Variants in DOC2B observed in about 807,000 individuals in gnomAD.
The protein encoded by DOC2B is double C2-like domain-containing protein beta.
In DOC2B, 21 loss-of-function variants were observed where a neutral mutation model predicts 28.9. The observed-to-expected ratio is 0.73, with a 90% CI of 0.52 to 1.05. The LOEUF is 1.05. Among genes scored for constraint, DOC2B ranks in the 50% least tolerant of loss-of-function variants. The pLI is 0.00. For missense variants in DOC2B, 384 were observed against 421.1 expected (o/e 0.91, Z 0.77); for synonymous variants, 194 against 178.1 (o/e 1.09, Z -0.71).
At position 161,407 on chromosome 17, in the gene DOC2B, CCT is replaced by C. The variant is rs1555523212; in HGVS notation, c.765+6_765+7del. ...GGTACACAGCAGGTGCTCAATCAAT[CCT>C]CTCACCGGCAGCTGCTTCTCCAGGC... On this transcript the variant is annotated splice_donor_region_variant and intron_variant, in intron 5 of 8. Coordinates refer to ENST00000613549, the MANE Select transcript of DOC2B (RefSeq NM_003585.5). 1.9e-6 allele frequency: 3 copies of C among 1,551,638 alleles called. No individual in the cohort carries two copies. In the Admixed American group the frequency reaches 5.9e-5, roughly 30 times the overall value.
intron 8 of DOC2B, among the ~76,000 whole-genome samples, chr17:147,814 GT>G (rs1371730342): frequency 3.9e-5 from 6 of 152,226 alleles, no homozygotes; most frequent in Middle Eastern, 3.2e-3. Context: ...AGCATCAGGG[GT>G]CAAGGAATGG....
At position 181,420 on chromosome 17, in the gene DOC2B, G is replaced by A; in HGVS notation, c.60C>T (p.Ile20=). 1.7e-6 allele frequency: 2 copies of A among 1,187,972 alleles called. No homozygotes were observed. The highest frequency in any genetic ancestry group is 1.1e-6 in the Non-Finnish European group (1 of 945,366). The allele number at this position is 1,187,972 out of a possible 1,614,324, so 73.6% of individuals were successfully genotyped here. A position where few individuals can be genotyped will look rare whatever the true frequency, so the allele number is the denominator to read the frequency against. Residue 20 remains isoleucine, a synonymous_variant, in exon 1 of 9, where the codon ATC becomes ATT. Coordinates refer to ENST00000613549, the MANE Select transcript of DOC2B (RefSeq NM_003585.5). The surrounding 1 kb of genome is among the most constrained non-coding windows in gnomAD (Gnocchi z 7.0). ...GACGGATGGGGCCGGGGCACACGTC[G>A]ATGGCCATATGCTCCTGGATGCTGA... ...ATISIQEHMA[I]DVCPGPIRPI...
rs979363133 is a variant in DOC2B at position 145,002 on chromosome 17, C to T, written c.*2439G>A. The stretch of plus-strand genomic sequence containing the variant: ...AAGATACCCAGAGCTTAACTAGACA[C>T]CAGGCCTTTTAGAAATAGACCACCT... On this transcript the variant is annotated 3_prime_UTR_variant, in exon 9 of 9. Coordinates refer to ENST00000613549, the MANE Select transcript of DOC2B (RefSeq NM_003585.5). 10 of 152,222 alleles carry T rather than the reference C, an allele frequency of 6.6e-5. No homozygotes were observed. The East Asian group carries it at 7.7e-4, about 12-fold the overall frequency. 9.4% of individuals were successfully genotyped at this position (152,222 alleles called of 1,614,324 possible).
Position 181,028 on chromosome 17 carries a change from G to A in DOC2B, c.373+79C>T. The A allele has an allele frequency of 8.7e-7, 1 of 1,149,978 alleles. No homozygotes were observed. Among genetic ancestry groups the A allele is most frequent in the Non-Finnish European group, 1.1e-6 (1 of 919,372 alleles). 71.2% of individuals were successfully genotyped at this position (1,149,978 alleles called of 1,614,324 possible). A position where few individuals can be genotyped will look rare whatever the true frequency, so the allele number is the denominator to read the frequency against. On this transcript the variant is annotated intron_variant, in intron 1 of 8. Coordinates refer to ENST00000613549, the MANE Select transcript of DOC2B (RefSeq NM_003585.5). The surrounding 1 kb of genome is among the most constrained non-coding windows in gnomAD (Gnocchi z 7.0). ...GCGCGAGCGCGCGAGGGGGACCGGC[G>A]GAGGGAAGCCGCGAGGCCGTGGGGG...
intron 8 of DOC2B, 43 bp downstream of exon 8, chr17:148,130 G>A: frequency 2.5e-6 from 1 of 398,528 alleles, no homozygotes. Flanking sequence ...CCTGATCCAG[G>A]ACAGGCACAC....
At chr17:148,606 A>C in intron 7 of DOC2B, among the ~76,000 whole-genome samples, 1 of 150,414 alleles carries the variant, frequency 6.6e-6, no homozygotes, top group African/African-American at 2.5e-5. Flanking sequence ...TCTCTGTGGG[A>C]CCCTCCCTTC....
intron 6 of DOC2B, among the ~76,000 whole-genome samples, chr17:151,274 A>G (rs2151458812): frequency 6.6e-6 from 1 of 152,280 alleles, no homozygotes; most frequent in Non-Finnish European, 1.5e-5. Flanking sequence ...TGTCTCTAAA[A>G]AAAGAAAAGA....
chr17:164,398 A>G (rs1196855964), intron 2 of DOC2B, among the ~76,000 whole-genome samples, 194 bp from the exon 3 acceptor site: 1 of 152,030 alleles, frequency 6.6e-6, no homozygotes, highest in African/African-American at 2.4e-5. Context: ...CCCTCCCCAA[A>G]ACATCCTGGC....
intron 4 of DOC2B, among the ~76,000 whole-genome samples, chr17:161,835 C>T (rs968081768): frequency 6.6e-6 from 1 of 152,230 alleles, no homozygotes; most frequent in African/African-American, 2.4e-5. Flanking sequence ...GAACCACCTC[C>T]AGCACCCTGA....
In DOC2B at chr17:164,163, G is replaced by A. The variant is rs765006183; in HGVS notation, c.495C>T (p.Tyr165=). Residue 165 remains tyrosine, a synonymous_variant, in exon 3 of 9, where the codon TAC becomes TAT. Transcript: ENST00000613549. ...PMDHNGLADP[Y]VKLHLLPGAS... ...CTCCTGGCAGCAGGTGCAGCTTGAC[G>A]TAGGGGTCTGCCAGCCCATTGTGGT... is the stretch of plus-strand genomic sequence containing the variant. 2.6e-5 allele frequency: 41 copies of A among 1,553,912 alleles called. No individual in the cohort carries two copies. The highest frequency in any genetic ancestry group is 3.5e-5 in the Non-Finnish European group (40 of 1,148,144).
chr17:150,170 G>C (rs2040056713), intron 6 of DOC2B, among the ~76,000 whole-genome samples: 1 of 152,220 alleles, frequency 6.6e-6, no homozygotes, highest in Admixed American at 6.5e-5. Context: ...TCATGTGCAG[G>C]CTGGAGAAGG....
At chr17:172,958 C>A (rs2040329298) in intron 1 of DOC2B, among the ~76,000 whole-genome samples, 1 of 152,214 alleles carries the variant, frequency 6.6e-6, no homozygotes, top group Non-Finnish European at 1.5e-5. Flanking sequence ...CAGTCTGGGC[C>A]CCGTGCCTCA....
At chr17:162,698 G>A (rs2040219178) in intron 3 of DOC2B, among the ~76,000 whole-genome samples, 3 of 152,224 alleles carry the variant, frequency 2.0e-5, no homozygotes, top group African/African-American at 7.2e-5. Flanking sequence ...CACGAAGTTT[G>A]TGGTCATTTG....
chr17:144,755 A>ACTGG lies in DOC2B; in HGVS notation c.*2685_*2686insCCAG. 2 of 152,216 alleles carry ACTGG rather than the reference A, an allele frequency of 1.3e-5. 1 individual carries two copies. The allele number at this position is 152,216 out of a possible 1,614,324, so 9.4% of individuals were successfully genotyped here. A position where few individuals can be genotyped will look rare whatever the true frequency, so the allele number is the denominator to read the frequency against. On this transcript the variant is annotated 3_prime_UTR_variant, in exon 9 of 9. Transcript: ENST00000613549. ...GCCCCATTTGCACAGCCTGGGCAGT[A>ACTGG]GAGGGCCCTGGACTGGGGGGCTGGA...
intron 1 of DOC2B, among the ~76,000 whole-genome samples, chr17:175,370 G>A (rs1046211577): frequency 2.0e-5 from 3 of 152,352 alleles, no homozygotes; most frequent in African/African-American, 4.8e-5. Flanking sequence ...CACCAGGCAG[G>A]TGAGGCTGCT....
At position 143,226 on chromosome 17, in the gene DOC2B, G is replaced by A. The variant is rs966341886; in HGVS notation, c.*4215C>T. Reference sequence around the variant, plus strand: ...TAGTTTCCCCATCTGTAACTTGAGGGCCTACCTCAAATGGGTCCCTGGTGA... The same window carrying A: ...TAGTTTCCCCATCTGTAACTTGAGGACCTACCTCAAATGGGTCCCTGGTGA... On this transcript the variant is annotated 3_prime_UTR_variant, in exon 9 of 9. Transcript: ENST00000613549. 1 of 152,100 alleles carries A rather than the reference G, an allele frequency of 6.6e-6. No individual in the cohort carries two copies. The highest frequency in any genetic ancestry group is 2.1e-4 in the South Asian group (1 of 4,826). The allele number at this position is 152,100 out of a possible 1,614,324, so 9.4% of individuals were successfully genotyped here. A position where few individuals can be genotyped will look rare whatever the true frequency, so the allele number is the denominator to read the frequency against.
At chr17:176,342 C>T (rs1046659560) in intron 1 of DOC2B, among the ~76,000 whole-genome samples, 2 of 151,264 alleles carry the variant, frequency 1.3e-5, no homozygotes, top group Non-Finnish European at 2.9e-5. Context: ...ACCACCATGC[C>T]CGGCTAACTT....
intron 2 of DOC2B, among the ~76,000 whole-genome samples, chr17:164,805 A>G (rs1467782637): frequency 6.6e-6 from 1 of 152,180 alleles, no homozygotes; most frequent in African/African-American, 2.4e-5. Flanking sequence ...ATGGACAGAG[A>G]GGGGCTTTGC....
chr17:175,512 C>T (rs1335067427), intron 1 of DOC2B, among the ~76,000 whole-genome samples: 2 of 152,246 alleles, frequency 1.3e-5, no homozygotes, highest in African/African-American at 2.4e-5. Flanking sequence ...ATCTGCTGTT[C>T]AGGTCAGGCC....
Sources: gnomAD v4.1 joint callset for allele counts (sites outside exome capture counted in the v4.1 genomes callset) on GRCh38, gnomAD v4.1.1 for gene constraint, Gnocchi (gnomAD v3.1) non-coding constraint, MANE v1.5 for transcripts, NCBI Gene and HGNC (gene_info 2026-07-23, HGNC 2026-07-21) for gene names.